Variants in WWOX observed in about 807,000 individuals in gnomAD.
The protein encoded by WWOX is WW domain-containing oxidoreductase.
A neutral mutation model predicts 46.2 loss-of-function variants in WWOX; 69 were observed. The observed-to-expected ratio is 1.49, with a 90% CI of 1.23 to 1.82. The LOEUF is 1.82. Ranked by LOEUF, WWOX falls within the 40% of genes most tolerant of loss-of-function variation. The probability of loss-of-function intolerance (pLI) is 0.00; values close to 1 mark genes in which losing one functional copy is unlikely to be tolerated. For missense variants in WWOX, 919 were observed against 542.6 expected (o/e 1.69, Z -6.89); for synonymous variants, 359 against 202.6 (o/e 1.77, Z -6.56).
chr16:79,133,629 C>G (rs1033024498), intron 8 of WWOX, among the ~76,000 whole-genome samples: 6 of 152,128 alleles, frequency 3.9e-5, no homozygotes, highest in African/African-American at 9.7e-5. Context: ...CTTATAAAAG[C>G]TAAGTGCTAC....
At chr16:78,453,113 T>C (rs754394565) in intron 8 of WWOX, among the ~76,000 whole-genome samples, 2 of 152,058 alleles carry the variant, frequency 1.3e-5, no homozygotes, top group Non-Finnish European at 2.9e-5. Flanking sequence ...TTATATCTTA[T>C]ATGTGTATTT....
chr16:78,520,396 C>T (rs559758283), intron 8 of WWOX, among the ~76,000 whole-genome samples: 66 of 152,278 alleles, frequency 4.3e-4, no homozygotes, highest in African/African-American at 1.4e-3. Flanking sequence ...GTCTCGAAGA[C>T]TTCTGATTTC....
At chr16:78,696,596 G>A (rs373878821) in intron 8 of WWOX, among the ~76,000 whole-genome samples, 5 of 152,036 alleles carry the variant, frequency 3.3e-5, no homozygotes, top group South Asian at 2.1e-4. Flanking sequence ...TACCAGGCAC[G>A]GTGTTGCCTG....
At chr16:78,966,889 G>T (rs983956461) in intron 8 of WWOX, among the ~76,000 whole-genome samples, 2 of 152,200 alleles carry the variant, frequency 1.3e-5, no homozygotes, top group Non-Finnish European at 2.9e-5. Context: ...TAGAGTTGCA[G>T]TGGAGATTGA....
chr16:78,899,817 C>G (rs968153677), intron 8 of WWOX, among the ~76,000 whole-genome samples: 2 of 152,168 alleles, frequency 1.3e-5, no homozygotes, highest in African/African-American at 4.8e-5. Flanking sequence ...GCTTGGAAAA[C>G]TAGCGCGTGG....
At chr16:79,026,770 A>G (rs1362154837) in intron 8 of WWOX, among the ~76,000 whole-genome samples, 3 of 140,832 alleles carry the variant, frequency 2.1e-5, no homozygotes, top group Admixed American at 1.5e-4. Context: ...GGCGACTGCC[A>G]CCACGCCCGG....
intron 8 of WWOX, among the ~76,000 whole-genome samples, chr16:78,738,841 G>A (rs1182545037): frequency 6.6e-6 from 1 of 152,116 alleles, no homozygotes; most frequent in Non-Finnish European, 1.5e-5. Context: ...AGAGGTAGGA[G>A]GTAGATAGAG....
chr16:78,905,164 C>G (rs529461129), intron 8 of WWOX, among the ~76,000 whole-genome samples: 1 of 152,068 alleles, frequency 6.6e-6, no homozygotes, highest in Non-Finnish European at 1.5e-5. Context: ...GGGTTATACC[C>G]CTGGACACCA....
chr16:79,201,377 C>T (rs1171427900), intron 8 of WWOX, among the ~76,000 whole-genome samples: 1 of 145,108 alleles, frequency 6.9e-6, no homozygotes, highest in Admixed American at 7.1e-5. Context: ...GGGAAACTTA[C>T]AGGGAATAAG....
chr16:78,492,560 C>T (rs968243773), intron 8 of WWOX, among the ~76,000 whole-genome samples: 2 of 152,200 alleles, frequency 1.3e-5, no homozygotes, highest in Non-Finnish European at 2.9e-5. Flanking sequence ...ACCCTGGGGA[C>T]TAAGCCCAGG....
At chr16:78,883,252 C>G (rs1319101417) in intron 8 of WWOX, among the ~76,000 whole-genome samples, 1 of 152,136 alleles carries the variant, frequency 6.6e-6, no homozygotes, top group Non-Finnish European at 1.5e-5. Context: ...CAGCAAGCTC[C>G]TGAACCCATC....
intron 8 of WWOX, among the ~76,000 whole-genome samples, chr16:78,454,376 GTGTGTA>G (rs1035653658): frequency 2.7e-4 from 40 of 147,000 alleles, no homozygotes; most frequent in African/African-American, 9.8e-4. Context: ...GTGTGTGTGT[GTGTGTA>G]TTATATGCAT....
intron 8 of WWOX, among the ~76,000 whole-genome samples, chr16:78,482,279 A>G (rs2084513847): frequency 6.6e-6 from 1 of 152,150 alleles, no homozygotes; most frequent in Admixed American, 6.5e-5. Flanking sequence ...TCTTTTGGCC[A>G]GGCTAGAGTG....
chr16:78,681,350 G>T (rs1278327047), intron 8 of WWOX, among the ~76,000 whole-genome samples: 1 of 152,172 alleles, frequency 6.6e-6, no homozygotes, highest in African/African-American at 2.4e-5. Context: ...GCTGCAGTGA[G>T]CTATGATCTT....
intron 8 of WWOX, among the ~76,000 whole-genome samples, chr16:78,992,472 A>C (rs892207965): frequency 6.6e-6 from 1 of 152,164 alleles, no homozygotes; most frequent in Non-Finnish European, 1.5e-5. Flanking sequence ...ATCTCAAAAA[A>C]ACAAAACAAA....
intron 8 of WWOX, among the ~76,000 whole-genome samples, chr16:78,811,903 A>T (rs971512616): frequency 6.6e-6 from 1 of 152,234 alleles, no homozygotes; most frequent in African/African-American, 2.4e-5. Context: ...TCATGAGCAT[A>T]ATAAGATATA....
rs902011578 is a variant in WWOX at position 78,972,478 on chromosome 16, A to AT, written c.1057-239130_1057-239129insT. 2.7e-3 allele frequency among the ~76,000 whole-genome samples: 416 copies of AT among 152,128 alleles called. 1 individual carries two copies. Among genetic ancestry groups the AT allele is most frequent in the African/African-American group, 9.6e-3 (398 of 41,454 alleles). ...AGTCAGCAAGCAGGGGTGAAAAAAAAAAAAAATAAAAGAACCTGAAGCCGC... is the reference window on the plus strand; with the variant it reads ...AGTCAGCAAGCAGGGGTGAAAAAAAATAAAAAATAAAAGAACCTGAAGCCGC... On this transcript the variant is annotated intron_variant, in intron 8 of 8. Transcript: ENST00000566780.
chr16:79,131,736 T>C (rs2150696857), intron 8 of WWOX, among the ~76,000 whole-genome samples: 1 of 152,310 alleles, frequency 6.6e-6, no homozygotes, highest in African/African-American at 2.4e-5. Context: ...TATATCTCTT[T>C]ACTCCTTGTA....
chr16:79,204,291 C>G (rs867335903), intron 8 of WWOX: 4 of 152,094 alleles, frequency 2.6e-5, no homozygotes, highest in Admixed American at 6.5e-5. Flanking sequence ...AATGAGACAG[C>G]CTCTCAGGTC....
Sources: gnomAD v4.1 joint callset for allele counts (sites outside exome capture counted in the v4.1 genomes callset) on GRCh38, gnomAD v4.1.1 for gene constraint, MANE v1.5 for transcripts, NCBI Gene and HGNC (gene_info 2026-07-23, HGNC 2026-07-21) for gene names.